The following FAM171A1 variants were observed in gnomAD, a reference collection of about 807,000 sequenced individuals.
FAM171A1 encodes the protein protein FAM171A1.
In FAM171A1, 23 loss-of-function variants were observed where a neutral mutation model predicts 74.9. The ratio of observed to expected loss-of-function variants is 0.31; its 90% CI spans 0.22 to 0.44. The LOEUF is 0.44. FAM171A1 is among the 20% of genes least tolerant of loss of function. FAM171A1 has a pLI of 1.00. For missense variants in FAM171A1, 1,162 were observed against 1,159.2 expected (o/e 1.00, Z -0.03); for synonymous variants, 527 against 505.7 (o/e 1.04, Z -0.57).
chr10:15,305,664 TAAAAAAAAAAAA>T (rs59843893), intron 1 of FAM171A1, among the ~76,000 whole-genome samples: 17 of 52,940 alleles, frequency 3.2e-4, no homozygotes, highest in Middle Eastern at 0.045. Context: ...GAGATCTGGC[TAAAAAAAAAAAA>T]AAAAAAAAAA....
chr10:15,331,823 ATATG>A (rs1835636288), intron 1 of FAM171A1, among the ~76,000 whole-genome samples: 1 of 100,724 alleles, frequency 9.9e-6, no homozygotes, highest in Admixed American at 1.1e-4. Flanking sequence ...GTGGGTATAT[ATATG>A]TGTGTATATA....
At chr10:15,298,351 T>C (rs2138924) in intron 1 of FAM171A1, among the ~76,000 whole-genome samples, 150,106 of 152,218 alleles carry the variant, frequency 0.99, 74,038 homozygotes, top group East Asian at 1. Context: ...CCAGGCTGGT[T>C]TCAAACTCCT....
intron 5 of FAM171A1, among the ~76,000 whole-genome samples, chr10:15,239,645 C>T (rs1013065726): frequency 6.6e-6 from 1 of 152,154 alleles, no homozygotes; most frequent in Non-Finnish European, 1.5e-5. Flanking sequence ...CATCTTGACA[C>T]CCGGGACACA....
At chr10:15,267,138 G>A (rs1024351841) in intron 3 of FAM171A1, among the ~76,000 whole-genome samples, 1 of 152,182 alleles carries the variant, frequency 6.6e-6, no homozygotes, top group Non-Finnish European at 1.5e-5. Flanking sequence ...CCCCACAGGG[G>A]GGCTACTGCA....
intron 1 of FAM171A1, among the ~76,000 whole-genome samples, chr10:15,341,014 T>G (rs893548478): frequency 6.6e-6 from 1 of 152,190 alleles, no homozygotes; most frequent in African/African-American, 2.4e-5. Context: ...ATTTGCAATC[T>G]TGTCTATGCC....
At chr10:15,297,345 C>T (rs1327047266) in intron 1 of FAM171A1, among the ~76,000 whole-genome samples, 2 of 152,152 alleles carry the variant, frequency 1.3e-5, no homozygotes, top group Non-Finnish European at 2.9e-5. Context: ...AGGCATGAAC[C>T]ACCGCACCTG....
intron 1 of FAM171A1, among the ~76,000 whole-genome samples, chr10:15,333,436 G>C (rs1429262893): frequency 6.6e-6 from 1 of 152,158 alleles, no homozygotes; most frequent in African/African-American, 2.4e-5. Flanking sequence ...GGAGGCGGAG[G>C]GTGCAGTGAG....
chr10:15,356,782 C>T (rs1003214899), intron 1 of FAM171A1, among the ~76,000 whole-genome samples: 1 of 151,936 alleles, frequency 6.6e-6, no homozygotes, highest in African/African-American at 2.4e-5. Context: ...ACCAGCCTGG[C>T]AAACATGGTG....
intron 5 of FAM171A1, among the ~76,000 whole-genome samples, chr10:15,231,651 C>T (rs1281307694): frequency 6.6e-6 from 1 of 152,054 alleles, no homozygotes; most frequent in African/African-American, 2.4e-5. Flanking sequence ...GCAAAATGCC[C>T]TAATGCCATT....
rs1372184488 is a variant in FAM171A1 at position 15,359,436 on chromosome 10, C to G, written c.97+11520G>C. ...CTTGTCCAGAACCTGAGAGGACACCCTCAGCAGTCTTTTTCCTCCTTCTCA... is the reference window on the plus strand; with the variant it reads ...CTTGTCCAGAACCTGAGAGGACACCGTCAGCAGTCTTTTTCCTCCTTCTCA... On this transcript the variant is annotated intron_variant, in intron 1 of 7. Coordinates refer to ENST00000378116, the MANE Select transcript of FAM171A1 (RefSeq NM_001010924.2). Among the ~76,000 whole-genome samples, 3 of 152,136 alleles carry G rather than the reference C, an allele frequency of 2.0e-5. No individual in the cohort carries two copies. The East Asian group carries it at 5.8e-4, about 29-fold the overall frequency.
At position 15,308,199 on chromosome 10, in the gene FAM171A1, G is replaced by A. The variant is rs531275084; in HGVS notation, c.98-24094C>T. Among the ~76,000 whole-genome samples, 14 of 152,170 alleles carry A rather than the reference G, an allele frequency of 9.2e-5. No individual in the cohort carries two copies. The East Asian group carries it at 1.9e-3, about 21-fold the overall frequency. On this transcript the variant is annotated intron_variant, in intron 1 of 7. Coordinates refer to ENST00000378116, the MANE Select transcript of FAM171A1 (RefSeq NM_001010924.2). Reference sequence around the variant, plus strand: ...GTCTTTCAAAATCAGTGGTTGTCAGGCACACAATCTAACTGCAACACATTA... The same window carrying A: ...GTCTTTCAAAATCAGTGGTTGTCAGACACACAATCTAACTGCAACACATTA...
Position 15,214,196 on chromosome 10 carries a change from A to T in FAM171A1, c.1392T>A (p.Phe464Leu). 6.2e-7 allele frequency: 1 copy of T among 1,614,050 alleles called. No individual in the cohort carries two copies. The highest frequency in any genetic ancestry group is 1.3e-5 in the African/African-American group (1 of 75,030). ...CCATAGATTTTCTTGCCTTTAAGGG[A>T]AAAACCTCCACTGACTTATGGTAGT... ...GKDYHKSVEV[F>L]PLKARKSMER... Residue 464 changes from phenylalanine to leucine, a missense_variant, in exon 8 of 8, where the codon TTT becomes TTA. By Grantham distance (22) the Phe-to-Leu change is conservative. Transcript: ENST00000378116.
At chr10:15,221,714 A>G (rs1295886741) in intron 5 of FAM171A1, among the ~76,000 whole-genome samples, 1 of 152,136 alleles carries the variant, frequency 6.6e-6, no homozygotes, top group Admixed American at 6.5e-5. Context: ...TATTCACAGC[A>G]TACGTGTCTT....
intron 6 of FAM171A1, among the ~76,000 whole-genome samples, chr10:15,218,111 A>G (rs1833990151): frequency 6.6e-6 from 1 of 150,988 alleles, no homozygotes; most frequent in African/African-American, 2.4e-5. Flanking sequence ...ATGGAGTCTC[A>G]CTCTATCATT....
chr10:15,299,456 T>A (rs913028133), intron 1 of FAM171A1, among the ~76,000 whole-genome samples: 1 of 151,926 alleles, frequency 6.6e-6, no homozygotes, highest in Admixed American at 6.6e-5. Flanking sequence ...TCTGTCTTTA[T>A]CTATAGATAT....
At chr10:15,296,942 A>G (rs1335436634) in intron 1 of FAM171A1, among the ~76,000 whole-genome samples, 1 of 152,192 alleles carries the variant, frequency 6.6e-6, no homozygotes, top group Non-Finnish European at 1.5e-5. Context: ...CATGTGGTAG[A>G]CTCGACAGCT....
At chr10:15,232,960 T>C (rs1389035540) in intron 5 of FAM171A1, among the ~76,000 whole-genome samples, 1 of 152,244 alleles carries the variant, frequency 6.6e-6, no homozygotes, top group Non-Finnish European at 1.5e-5. Flanking sequence ...ATACCTGTTT[T>C]TCTAATGGAT....
intron 1 of FAM171A1, among the ~76,000 whole-genome samples, chr10:15,319,999 GACATGAGTAAACTGCATGTT>G (rs375374587): frequency 1.4e-4 from 21 of 152,262 alleles, no homozygotes; most frequent in African/African-American, 4.6e-4. Flanking sequence ...AGGGGTTTGT[GACATGAGTAAACTGCATGTT>G]ACATGAGTAA....
At chr10:15,360,182 C>T (rs1398218050) in intron 1 of FAM171A1, among the ~76,000 whole-genome samples, 1 of 152,200 alleles carries the variant, frequency 6.6e-6, no homozygotes, top group Admixed American at 6.5e-5. Flanking sequence ...ATCTCCCCAC[C>T]TTGGCTTCCC....
Sources: allele counts gnomAD v4.1 joint callset (sites outside exome capture counted in the v4.1 genomes callset), GRCh38; gene constraint gnomAD v4.1.1; transcripts MANE v1.5; gene names NCBI Gene and HGNC (gene_info 2026-07-23, HGNC 2026-07-21).